The following THSD4 variants were observed in gnomAD, a reference collection of about 807,000 sequenced individuals.
THSD4 encodes the protein thrombospondin type 1 domain containing 4.
In THSD4, 69 loss-of-function variants were observed where a neutral mutation model predicts 119.0. The ratio of observed to expected loss-of-function variants is 0.58; its 90% confidence interval spans 0.48 to 0.71. The LOEUF is 0.71. Among genes scored for constraint, THSD4 ranks in the 30% least tolerant of loss-of-function variants. THSD4 has a pLI of 0.00. For synonymous variants in THSD4, 524 were observed against 540.4 expected (o/e 0.97, Z 0.42); for missense variants, 1,393 against 1,391.1 (o/e 1.00, Z -0.02).
At chr15:71,145,183 T>G (rs985602151) in intron 2 of THSD4, among the ~76,000 whole-genome samples, 8 of 152,178 alleles carry the variant, frequency 5.3e-5, no homozygotes, top group Non-Finnish European at 1.0e-4. Flanking sequence ...TTCCTTTACT[T>G]CAAGGAGTGC....
intron 1 of THSD4, among the ~76,000 whole-genome samples, chr15:71,119,334 G>A (rs925357359): frequency 1.3e-5 from 2 of 152,224 alleles, no homozygotes; most frequent in Non-Finnish European, 2.9e-5. Flanking sequence ...TCGAGAACTG[G>A]CGTTTTTAAG....
upstream of THSD4, chr15:71,111,231 C>T (rs1226545922): frequency 4.3e-6 from 7 of 1,613,762 alleles, no homozygotes; most frequent in Non-Finnish European, 5.1e-6. Context: ...AAGGAGATAA[C>T]CTGAAGTGTG....
Position 71,215,233 on chromosome 15 carries a change from T to C in THSD4, c.298T>C (p.Phe100Leu). Residue 100 changes from phenylalanine to leucine, a missense_variant, in exon 4 of 18, where the codon TTC becomes CTC. By Grantham distance (22) the Phe-to-Leu change is conservative. Transcript: ENST00000261862. ...GQRPGAPARA[F>L]ADHVVSAVRT... is the part of the protein sequence containing the mutation. ...GCGGCCTGGCGCCCCTGCGCGCGCC[T>C]TCGCGGACCACGTGGTGTCGGCGGT... 2.1e-6 allele frequency: 3 copies of C among 1,441,284 alleles called. No individual in the cohort carries two copies. The highest frequency in any genetic ancestry group is 2.7e-6 in the Non-Finnish European group (3 of 1,104,026). The allele number at this position is 1,441,284 out of a possible 1,614,324, so 89.3% of individuals were successfully genotyped here.
chr15:71,270,978 T>TA (rs1365461014), intron 6 of THSD4, among the ~76,000 whole-genome samples: 1 of 152,088 alleles, frequency 6.6e-6, no homozygotes, highest in Non-Finnish European at 1.5e-5. Context: ...AGTACAGATT[T>TA]AATAGAATGA....
chr15:71,165,386 C>T, intron 3 of THSD4: 5 of 1,492,284 alleles, frequency 3.4e-6, no homozygotes, highest in Admixed American at 1.7e-5. Context: ...GACATTTTGC[C>T]TCTCAGCTTC....
intron 6 of THSD4, among the ~76,000 whole-genome samples, chr15:71,320,823 A>G (rs1261790322): frequency 6.6e-6 from 1 of 152,152 alleles, no homozygotes; most frequent in African/African-American, 2.4e-5. Flanking sequence ...TTCAACATCA[A>G]GGAAGATGTT....
In THSD4 at chr15:71,115,573, CG is replaced by C. The variant is rs2141348624; in HGVS notation, c.-201del. On this transcript the variant is annotated 5_prime_UTR_variant, in exon 1 of 18. Transcript: ENST00000261862. This position sits in a 1 kb window ranked among gnomAD's most constrained non-coding sequence, Gnocchi z 4.4. ...AGCGGGAGCCCGTGCAGGGCGGGCG[CG>C]GGGCGGCTGGGCGGCGGTGGCGGCC... 6.7e-6 allele frequency: 1 copy of C among 149,912 alleles called. No individual in the cohort carries two copies. The highest frequency in any genetic ancestry group is 2.4e-5 in the African/African-American group (1 of 41,268). The allele number at this position is 149,912 out of a possible 1,614,324, so 9.3% of individuals were successfully genotyped here.
intron 6 of THSD4, among the ~76,000 whole-genome samples, chr15:71,375,043 T>G (rs2046112522): frequency 6.6e-6 from 1 of 152,110 alleles, no homozygotes; most frequent in Admixed American, 6.6e-5. Context: ...CAAATCCACA[T>G]CTCCTCACAC....
chr15:71,265,840 A>C (rs1249858523), intron 6 of THSD4, among the ~76,000 whole-genome samples: 6 of 152,206 alleles, frequency 3.9e-5, no homozygotes, highest in Admixed American at 6.5e-5. Flanking sequence ...CAAAGCCGCC[A>C]GGAAGTTCAA....
At chr15:71,138,564 G>C (rs1389485896) in intron 1 of THSD4, among the ~76,000 whole-genome samples, 1 of 152,108 alleles carries the variant, frequency 6.6e-6, no homozygotes, top group Non-Finnish European at 1.5e-5. Context: ...CCAGTAGACA[G>C]TCAGCTCTTC....
chr15:71,481,565 C>T (rs2047730032), intron 7 of THSD4, among the ~76,000 whole-genome samples: 1 of 152,190 alleles, frequency 6.6e-6, no homozygotes, highest in Non-Finnish European at 1.5e-5. Context: ...AGAAGACCTT[C>T]TTTCTCAACT....
Position 71,312,365 on chromosome 15 carries a change from T to C in THSD4, c.1015+55650T>C, listed in dbSNP as rs547210950. On this transcript the variant is annotated intron_variant, in intron 6 of 17. Coordinates refer to ENST00000261862, the MANE Select transcript of THSD4 (RefSeq NM_024817.3). ...GGAGTGGGGAGTGGGGGGAGGGTAA[T>C]TGAGTTAAAATGAGGCTGCCAGGGT... Among the ~76,000 whole-genome samples, 11 of 151,872 alleles carry C rather than the reference T, an allele frequency of 7.2e-5. No homozygotes were observed. The South Asian group carries it at 1.9e-3, about 26-fold the overall frequency.
intron 7 of THSD4, among the ~76,000 whole-genome samples, chr15:71,445,168 C>A (rs1160967554): frequency 2.0e-5 from 3 of 152,188 alleles, no homozygotes; most frequent in Admixed American, 2.0e-4. Flanking sequence ...GGTGTCATTT[C>A]TTCTATAGTG....
chr15:71,745,214 A>T lies in THSD4; in HGVS notation c.2015A>T (p.Asn672Ile), dbSNP rs1473381198. 1.2e-6 allele frequency: 2 copies of T among 1,613,920 alleles called. No homozygotes were observed. Among genetic ancestry groups the T allele is most frequent in the Non-Finnish European group, 1.7e-6 (2 of 1,179,998 alleles). ...MKPTPEEEPC[N>I]IFPCPAFWDI... ...CCGACCCCCGAGGAGGAGCCCTGCA[A>T]CATCTTCCCTTGCCCAGCCTTGTAA... Residue 672 changes from asparagine (N) to isoleucine (I), a missense_variant, in exon 12 of 18, where the codon AAC becomes ATC. Coordinates refer to ENST00000261862, the MANE Select transcript of THSD4 (RefSeq NM_024817.3).
intron 3 of THSD4, among the ~76,000 whole-genome samples, chr15:71,209,004 G>A (rs535577748): frequency 6.6e-6 from 1 of 152,276 alleles, no homozygotes; most frequent in Admixed American, 6.5e-5. Flanking sequence ...CTTGGGGGAA[G>A]GGTCACGGCA....
intron 8 of THSD4, among the ~76,000 whole-genome samples, chr15:71,670,969 ATG>A (rs1031511342): frequency 1.8e-4 from 28 of 152,316 alleles, no homozygotes; most frequent in African/African-American, 6.3e-4. Context: ...ATACGTGTGC[ATG>A]TGTCTTTATA....
chr15:71,333,504 T>G (rs2140377213), intron 6 of THSD4, among the ~76,000 whole-genome samples: 1 of 152,306 alleles, frequency 6.6e-6, no homozygotes, highest in African/African-American at 2.4e-5. Flanking sequence ...AACCTTTGTT[T>G]TTTTTCTTGG....
intron 7 of THSD4, among the ~76,000 whole-genome samples, chr15:71,477,529 A>G (rs1031036072): frequency 2.6e-5 from 4 of 152,206 alleles, no homozygotes; most frequent in Non-Finnish European, 5.9e-5. Context: ...TGGAGGCCAC[A>G]TTGGGAGCAT....
At chr15:71,440,939 A>T (rs2047079462) in intron 7 of THSD4, among the ~76,000 whole-genome samples, 1 of 152,082 alleles carries the variant, frequency 6.6e-6, no homozygotes, top group South Asian at 2.1e-4. Context: ...CTCAGTTCTG[A>T]ATCTGTTTTT....
Sources: allele counts gnomAD v4.1 joint callset (sites outside exome capture counted in the v4.1 genomes callset), GRCh38; gene constraint gnomAD v4.1.1; non-coding constraint Gnocchi (gnomAD v3.1); transcripts MANE v1.5; gene names NCBI Gene and HGNC (gene_info 2026-07-23, HGNC 2026-07-21).